The following KCNH1 variants were observed in gnomAD, a reference collection of about 807,000 sequenced individuals.
KCNH1 encodes the protein voltage-gated delayed rectifier potassium channel KCNH1.
A neutral mutation model predicts 69.2 loss-of-function variants in KCNH1; 27 were observed. The observed-to-expected ratio is 0.39, with a 90% CI of 0.29 to 0.54. The LOEUF (loss-of-function observed/expected upper bound fraction) is 0.54. Among genes scored for constraint, KCNH1 ranks in the 20% least tolerant of loss-of-function variants. KCNH1 has a pLI of 0.68. For missense variants in KCNH1, 798 were observed against 1,261.6 expected, an observed-to-expected ratio of 0.63 and a Z score of 5.57; for synonymous variants, 456 against 487.7, an observed-to-expected ratio of 0.93 and a Z score of 0.86.
chr1:210,971,311 C>G lies in KCNH1; in HGVS notation c.1032+47472G>C, dbSNP rs1688508240. On this transcript the variant is annotated intron_variant, in intron 6 of 10. Transcript: ENST00000271751. Reference sequence around the variant, plus strand: ...TATATGTCTAAATATTTTCTAATCCCTATTATTCTTCTGTGACCCATAAGT... The same window carrying G: ...TATATGTCTAAATATTTTCTAATCCGTATTATTCTTCTGTGACCCATAAGT... Among the ~76,000 whole-genome samples the G allele has an allele frequency of 4.6e-5, 7 of 152,180 alleles. No individual in the cohort carries two copies. In the South Asian group the frequency reaches 1.5e-3, roughly 32 times the overall value.
chr1:210,982,436 C>T (rs1688732390), intron 6 of KCNH1, among the ~76,000 whole-genome samples: 1 of 152,002 alleles, frequency 6.6e-6, no homozygotes, highest in Non-Finnish European at 1.5e-5. Context: ...CACTCCACAC[C>T]AGTCCCCGGT....
chr1:211,129,231 A>T (rs867849), intron 1 of KCNH1, among the ~76,000 whole-genome samples: 28,243 of 152,188 alleles, frequency 0.19, 2,865 homozygotes, highest in African/African-American at 0.26. Flanking sequence ...AGTAGATTTT[A>T]AAATGTTTGT....
chr1:211,005,704 A>T (rs1336931201), intron 6 of KCNH1, among the ~76,000 whole-genome samples: 1 of 152,184 alleles, frequency 6.6e-6, no homozygotes, highest in Non-Finnish European at 1.5e-5. Flanking sequence ...ACAAAATTTA[A>T]ACAAGACACA....
intron 6 of KCNH1, among the ~76,000 whole-genome samples, chr1:210,948,055 A>AG (rs1687991846): frequency 6.6e-6 from 1 of 151,268 alleles, no homozygotes; most frequent in African/African-American, 2.4e-5. Context: ...TAAAAAAAAA[A>AG]AAAAGGAAAA....
intron 6 of KCNH1, among the ~76,000 whole-genome samples, chr1:210,994,447 T>C (rs1342937239): frequency 1.3e-5 from 2 of 152,162 alleles, no homozygotes; most frequent in Non-Finnish European, 2.9e-5. Flanking sequence ...TATTTTGGTT[T>C]GTGTAAAGAA....
At chr1:210,769,444 C>T (rs747323219) in intron 10 of KCNH1, among the ~76,000 whole-genome samples, 6 of 152,174 alleles carry the variant, frequency 3.9e-5, no homozygotes, top group Admixed American at 6.5e-5. Context: ...GCTTTGAGAA[C>T]ATCAGTAACT....
In KCNH1 at chr1:210,922,216, C is replaced by T. The variant is rs945726946; in HGVS notation, c.1033-2147G>A. Among the ~76,000 whole-genome samples, 88 of 151,624 alleles carry T rather than the reference C, an allele frequency of 5.8e-4. 1 individual carries two copies. The highest frequency in any genetic ancestry group is 2.1e-3 in the African/African-American group (86 of 41,318). ...CTAACATGGTGAAACCCTGTCTCCA[C>T]TAAAAATACAAAAAACTTAGCCAGG... On this transcript the variant is annotated intron_variant, in intron 6 of 10. Transcript: ENST00000271751.
intron 5 of KCNH1, among the ~76,000 whole-genome samples, chr1:211,046,428 C>T (rs1228665593): frequency 6.6e-6 from 1 of 152,068 alleles, no homozygotes. Context: ...TCCCCAGGAG[C>T]GAGGGTGTTA....
At chr1:210,688,964 C>A (rs1030078689) in intron 10 of KCNH1, among the ~76,000 whole-genome samples, 3 of 152,198 alleles carry the variant, frequency 2.0e-5, no homozygotes, top group Admixed American at 2.0e-4. Context: ...AGAGTCCTGC[C>A]AGCCCACAGG....
chr1:210,947,647 T>C (rs1008184081), intron 6 of KCNH1, among the ~76,000 whole-genome samples: 11 of 151,448 alleles, frequency 7.3e-5, no homozygotes, highest in Non-Finnish European at 1.2e-4. Context: ...ATATATATGA[T>C]GTTCACTGAG....
intron 6 of KCNH1, among the ~76,000 whole-genome samples, chr1:210,964,177 C>A (rs190291090): frequency 3.9e-5 from 6 of 152,138 alleles, no homozygotes; most frequent in African/African-American, 1.2e-4. Flanking sequence ...AATTTTATAT[C>A]CAGACAAACT....
chr1:210,917,280 A>AAAG lies in KCNH1; in HGVS notation c.1462+2359_1462+2360insCTT, dbSNP rs1553359780. Among the ~76,000 whole-genome samples, 211 of 142,584 alleles carry AAAG rather than the reference A, an allele frequency of 1.5e-3. 1 individual carries two copies. The highest frequency in any genetic ancestry group is 7.6e-3 in the East Asian group (35 of 4,630). The allele number at this position is 142,584 out of a possible 152,430, so 93.5% of individuals were successfully genotyped here. A position where few individuals can be genotyped will look rare whatever the true frequency, so the allele number is the denominator to read the frequency against. On this transcript the variant is annotated intron_variant, in intron 7 of 10. Coordinates refer to ENST00000271751, the MANE Select transcript of KCNH1 (RefSeq NM_172362.3). ...GAAAGAAAGAAAGAAAGAAAGAAAG[A>AAAG]AAAGAAAAGAAAGAGAAACACAGAG...
chr1:210,755,202 A>G (rs1167510049), intron 10 of KCNH1, among the ~76,000 whole-genome samples: 2 of 152,186 alleles, frequency 1.3e-5, no homozygotes, highest in Admixed American at 6.5e-5. Flanking sequence ...CACAGAATGC[A>G]GCTTTGCTAA....
chr1:210,933,523 A>AT (rs1389043555), intron 6 of KCNH1, among the ~76,000 whole-genome samples: 2 of 120,018 alleles, frequency 1.7e-5, no homozygotes, highest in African/African-American at 5.7e-5. Context: ...TAATAATAAA[A>AT]TTTAAAAAAA....
chr1:211,123,697 C>T (rs1691727818), intron 1 of KCNH1, among the ~76,000 whole-genome samples: 1 of 152,016 alleles, frequency 6.6e-6, no homozygotes, highest in Non-Finnish European at 1.5e-5. Flanking sequence ...GGGCATGGGG[C>T]AAAGGCCAGG....
intron 7 of KCNH1, among the ~76,000 whole-genome samples, chr1:210,829,505 A>G (rs1434380608): frequency 6.6e-6 from 1 of 151,990 alleles, no homozygotes; most frequent in African/African-American, 2.4e-5. Flanking sequence ...TCCCCATGTC[A>G]CTCAGAATGA....
intron 10 of KCNH1, among the ~76,000 whole-genome samples, chr1:210,720,267 G>T (rs916312725): frequency 1.3e-5 from 2 of 152,188 alleles, no homozygotes; most frequent in Non-Finnish European, 2.9e-5. Context: ...AGAAAGTGAG[G>T]TATGGGAACG....
chr1:210,753,352 C>T (rs920538324), intron 10 of KCNH1, among the ~76,000 whole-genome samples: 1 of 152,120 alleles, frequency 6.6e-6, no homozygotes, highest in African/African-American at 2.4e-5. Context: ...ACAGGACACA[C>T]ACAAATAATG....
intron 7 of KCNH1, among the ~76,000 whole-genome samples, chr1:210,844,204 G>T (rs142425857): frequency 2.8e-4 from 43 of 152,290 alleles, no homozygotes; most frequent in African/African-American, 9.4e-4. Context: ...CTAACACTCT[G>T]TCTGGCATAA....
Sources: gnomAD v4.1 joint callset for allele counts (sites outside exome capture counted in the v4.1 genomes callset) on GRCh38, gnomAD v4.1.1 for gene constraint, MANE v1.5 for transcripts, NCBI Gene and HGNC (gene_info 2026-07-23, HGNC 2026-07-21) for gene names.